Variants in SCMH1 observed in about 807,000 individuals in gnomAD.
The protein encoded by SCMH1 is Scm polycomb group protein homolog 1, also known as polycomb protein SCMH1.
A neutral mutation model predicts 70.8 loss-of-function variants in SCMH1; 37 were observed. The ratio of observed to expected loss-of-function variants is 0.52; its 90% confidence interval spans 0.40 to 0.69. The LOEUF (loss-of-function observed/expected upper bound fraction) is 0.69. SCMH1 is among the 30% of genes least tolerant of loss of function. The probability of loss-of-function intolerance (pLI) is 0.00; values close to 1 mark genes in which losing one functional copy is unlikely to be tolerated. For missense variants in SCMH1, 607 were observed against 827.3 expected, an observed-to-expected ratio of 0.73 and a Z score of 3.27; for synonymous variants, 292 against 307.4, an observed-to-expected ratio of 0.95 and a Z score of 0.52.
intron 6 of SCMH1, among the ~76,000 whole-genome samples, chr1:41,127,080 A>G (rs148353084): frequency 6.3e-4 from 96 of 152,184 alleles, no homozygotes; most frequent in Middle Eastern, 3.4e-3. Context: ...AGAATATCTT[A>G]CTGTGGTTTT....
At chr1:41,048,265 T>A (rs535503934) in intron 11 of SCMH1, among the ~76,000 whole-genome samples, 4 of 152,316 alleles carry the variant, frequency 2.6e-5, no homozygotes, top group Non-Finnish European at 5.9e-5. Flanking sequence ...TGGGATTTAA[T>A]TCTCTTCTTC....
At chr1:41,031,616 G>C (rs1449432143) in intron 13 of SCMH1, among the ~76,000 whole-genome samples, 1 of 152,166 alleles carries the variant, frequency 6.6e-6, no homozygotes. Flanking sequence ...TTAACAGATG[G>C]AAAGTTGGAG....
chr1:41,066,313 T>C (rs1004594123), intron 10 of SCMH1, among the ~76,000 whole-genome samples: 1 of 152,138 alleles, frequency 6.6e-6, no homozygotes, highest in Non-Finnish European at 1.5e-5. Flanking sequence ...GAATGCATGA[T>C]TCCATACGTG....
intron 1 of SCMH1, among the ~76,000 whole-genome samples, chr1:41,205,409 AG>A (rs1428644996): frequency 6.6e-6 from 1 of 152,242 alleles, no homozygotes; most frequent in Non-Finnish European, 1.5e-5. Context: ...CTGGCTCGGC[AG>A]GTCCCATGCC....
intron 6 of SCMH1, among the ~76,000 whole-genome samples, chr1:41,125,277 G>A (rs567040354): frequency 0.01 from 1,592 of 151,958 alleles, 16 homozygotes; most frequent in Non-Finnish European, 0.017. Flanking sequence ...ATTCAGTGGC[G>A]AGATCTCCGC....
chr1:41,060,367 G>A (rs1486365562), intron 10 of SCMH1, among the ~76,000 whole-genome samples: 1 of 151,584 alleles, frequency 6.6e-6, no homozygotes, highest in East Asian at 1.9e-4. Flanking sequence ...AACCATGCAA[G>A]CAAGAAGAGA....
intron 10 of SCMH1, among the ~76,000 whole-genome samples, chr1:41,053,806 G>A (rs1215107621): frequency 6.6e-6 from 1 of 152,098 alleles, no homozygotes; most frequent in Non-Finnish European, 1.5e-5. Flanking sequence ...GGAGACTCGA[G>A]GAGAGTTTTA....
chr1:41,116,773 G>A, intron 7 of SCMH1, 149 bp downstream of exon 7: 1 of 510,300 alleles, frequency 2.0e-6, no homozygotes, highest in Admixed American at 3.8e-5. Flanking sequence ...ATTCCTCTGG[G>A]GATAATTGCT....
rs531358422 is a variant in SCMH1 at position 41,052,271 on chromosome 1, C to T, written c.1106-3381G>A. Among the ~76,000 whole-genome samples the T allele has an allele frequency of 7.9e-5, 12 of 152,302 alleles. No individual in the cohort carries two copies. In the East Asian group the frequency reaches 9.6e-4, roughly 12 times the overall value. On this transcript the variant is annotated intron_variant, in intron 10 of 14. Transcript: ENST00000337495. ...TGCACAGCAGGAGTTGAGCAGCAGG[C>T]GAGTGAGCATTACTACTTGAGCTCC...
intron 2 of SCMH1, among the ~76,000 whole-genome samples, chr1:41,169,096 C>G (rs1222325471): frequency 6.6e-6 from 1 of 152,170 alleles, no homozygotes; most frequent in Non-Finnish European, 1.5e-5. Flanking sequence ...TAGAAGTGGT[C>G]CTACTGTACG....
chr1:41,166,917 T>C (rs1305253144), intron 2 of SCMH1, among the ~76,000 whole-genome samples: 4 of 152,146 alleles, frequency 2.6e-5, no homozygotes, highest in South Asian at 2.1e-4. Flanking sequence ...CCTTGTCTTG[T>C]TCTAGGTCTT....
Position 41,036,780 on chromosome 1 carries a change from T to C in SCMH1, c.1678+582A>G, listed in dbSNP as rs61781793. ...AGTTCCTGGTATAATCAGTGCTATT[T>C]CTTATTCTTTTGCCCTTATTCATGT... is the stretch of plus-strand genomic sequence containing the variant. On this transcript the variant is annotated intron_variant, in intron 13 of 14. Coordinates refer to ENST00000337495, the Ensembl canonical transcript of SCMH1. Among the ~76,000 whole-genome samples, 767 of 152,304 alleles carry C rather than the reference T, an allele frequency of 5.0e-3. 6 individuals are homozygous for C. Among genetic ancestry groups the C allele is most frequent in the Non-Finnish European group, 7.4e-3 (502 of 68,028 alleles).
At chr1:41,189,181 C>T (rs1337483173) in intron 1 of SCMH1, among the ~76,000 whole-genome samples, 1 of 152,154 alleles carries the variant, frequency 6.6e-6, no homozygotes, top group East Asian at 1.9e-4. Context: ...CGGAGTTTCA[C>T]TCTGGTTGCT....
At chr1:41,180,425 G>A (rs1228574539) in intron 2 of SCMH1, among the ~76,000 whole-genome samples, 2 of 152,180 alleles carry the variant, frequency 1.3e-5, no homozygotes, top group South Asian at 4.1e-4. Flanking sequence ...AAGTCAAATT[G>A]TCCCTGTTTG....
At chr1:41,097,813 A>T (rs1430847820) in intron 8 of SCMH1, among the ~76,000 whole-genome samples, 2 of 152,160 alleles carry the variant, frequency 1.3e-5, no homozygotes, top group African/African-American at 4.8e-5. Flanking sequence ...CTAAAACACA[A>T]ATGTGATCAT....
At chr1:41,097,893 G>A (rs957778986) in intron 8 of SCMH1, among the ~76,000 whole-genome samples, 4 of 152,124 alleles carry the variant, frequency 2.6e-5, no homozygotes, top group African/African-American at 7.2e-5. Flanking sequence ...AGAATAAGCC[G>A]TGCTATTCTT....
chr1:41,163,248 A>C (rs75157386), intron 2 of SCMH1, among the ~76,000 whole-genome samples: 1 of 152,178 alleles, frequency 6.6e-6, no homozygotes, highest in African/African-American at 2.4e-5. Flanking sequence ...GGAGCTGCCC[A>C]CTTGCGGCAG....
intron 6 of SCMH1, among the ~76,000 whole-genome samples, chr1:41,120,340 C>A (rs898411196): frequency 2.0e-5 from 3 of 151,980 alleles, no homozygotes; most frequent in African/African-American, 7.3e-5. Context: ...TTTTATATGC[C>A]ATTTCTTACT....
intron 8 of SCMH1, among the ~76,000 whole-genome samples, chr1:41,100,095 A>G (rs1288612049): frequency 6.6e-6 from 1 of 152,220 alleles, no homozygotes; most frequent in Non-Finnish European, 1.5e-5. Flanking sequence ...ATTCAGCTCT[A>G]AGGTAGGCTT....
Sources: gnomAD v4.1 joint callset for allele counts (sites outside exome capture counted in the v4.1 genomes callset) on GRCh38, gnomAD v4.1.1 for gene constraint, MANE v1.5 for transcripts, NCBI Gene and HGNC (gene_info 2026-07-23, HGNC 2026-07-21) for gene names.